NCKAP5: variants seen among roughly 807,000 people sequenced by gnomAD.
NCKAP5 encodes the protein NCK associated protein 5, also known as nck-associated protein 5.
Under a neutral mutation model 167.0 loss-of-function variants are expected in NCKAP5, and 92 were observed. That is an observed-to-expected ratio of 0.55 (90% CI 0.47 to 0.66). The LOEUF (loss-of-function observed/expected upper bound fraction) is 0.66, where lower values mean the gene tolerates loss of function less well. NCKAP5 is among the 30% of genes least tolerant of loss of function. The pLI is 0.00. For missense variants in NCKAP5, 2,378 were observed against 2,315.0 expected (o/e 1.03, Z -0.56); for synonymous variants, 891 against 877.4 (o/e 1.02, Z -0.27).
At chr2:133,285,595 C>G (rs933337149) in intron 4 of NCKAP5, among the ~76,000 whole-genome samples, 1 of 152,154 alleles carries the variant, frequency 6.6e-6, no homozygotes, top group Admixed American at 6.5e-5. Flanking sequence ...AATAAATGAT[C>G]TGAAACCCTT....
chr2:133,154,951 C>T (rs892367382), intron 5 of NCKAP5, among the ~76,000 whole-genome samples: 2 of 152,216 alleles, frequency 1.3e-5, no homozygotes, highest in African/African-American at 4.8e-5. Flanking sequence ...CACTTAGGCT[C>T]TATACCTGGG....
chr2:133,251,724 G>T (rs13413333), intron 4 of NCKAP5, among the ~76,000 whole-genome samples: 15,222 of 152,094 alleles, frequency 0.1, 862 homozygotes, highest in South Asian at 0.15. Flanking sequence ...AATTACACTT[G>T]CATCCCAGTA....
intron 2 of NCKAP5, among the ~76,000 whole-genome samples, chr2:133,552,359 T>G (rs111934024): frequency 0.14 from 16,937 of 119,300 alleles, 1,367 homozygotes; most frequent in East Asian, 0.56. Context: ...TGTCCAACAA[T>G]GATAGACTGG....
At chr2:133,632,186 A>ATGGG in the NCKAP5 span, among the ~76,000 whole-genome samples, 1 of 152,350 alleles carries the variant, frequency 6.6e-6, no homozygotes, top group Non-Finnish European at 1.5e-5. Context: ...GACAGGATAC[A>ATGGG]TGGGTGGCAG....
upstream of NCKAP5, among the ~76,000 whole-genome samples, chr2:133,569,392 C>T (rs28634361): frequency 6.1e-3 from 922 of 152,226 alleles, 12 homozygotes; most frequent in African/African-American, 0.021. Context: ...ACTGCTATAA[C>T]GATGCTTACT....
intron 5 of NCKAP5, among the ~76,000 whole-genome samples, chr2:133,133,728 C>T (rs990571533): frequency 6.6e-6 from 1 of 152,198 alleles, no homozygotes; most frequent in Admixed American, 6.5e-5. Context: ...GAATATTTTA[C>T]ATTTTACAAA....
At chr2:133,476,217 C>T (rs891748917) in intron 3 of NCKAP5, among the ~76,000 whole-genome samples, 2 of 152,144 alleles carry the variant, frequency 1.3e-5, no homozygotes, top group Non-Finnish European at 2.9e-5. Context: ...TCAATGGTGC[C>T]CTTCAATTTA....
chr2:133,152,455 C>T (rs1188314524), intron 5 of NCKAP5, among the ~76,000 whole-genome samples: 1 of 152,142 alleles, frequency 6.6e-6, no homozygotes, highest in African/African-American at 2.4e-5. Flanking sequence ...CATTAATAAA[C>T]TTGAGTGTTT....
chr2:133,225,791 T>C (rs1037063378), intron 4 of NCKAP5, among the ~76,000 whole-genome samples: 2 of 137,532 alleles, frequency 1.5e-5, no homozygotes, highest in South Asian at 2.5e-4. Flanking sequence ...TTTTTTTTTT[T>C]TTTTTTTTTT....
At chr2:132,913,439 C>CT (rs1366830536) in intron 8 of NCKAP5, among the ~76,000 whole-genome samples, 2 of 151,532 alleles carry the variant, frequency 1.3e-5, no homozygotes, top group African/African-American at 4.9e-5. Flanking sequence ...CATATGTAGA[C>CT]TAGAGACAAG....
rs1333815524 is a variant in NCKAP5 at position 132,744,003 on chromosome 2, A to G, written c.5129-11952T>C. Among the ~76,000 whole-genome samples, 51 of 151,924 alleles carry G rather than the reference A, an allele frequency of 3.4e-4. 1 individual carries two copies. Among genetic ancestry groups the G allele is most frequent in the Admixed American group, 3.3e-3 (50 of 15,252 alleles). On this transcript the variant is annotated intron_variant, in intron 16 of 19. Coordinates refer to ENST00000409261, the MANE Select transcript of NCKAP5 (RefSeq NM_207363.3). ...ATTTATCAAGACATTATAATCCTAA[A>G]TATGTATATCTATAACAATAGAACT...
intron 12 of NCKAP5, among the ~76,000 whole-genome samples, chr2:132,791,159 C>G (rs530328084): frequency 6.6e-6 from 1 of 152,316 alleles, no homozygotes; most frequent in African/African-American, 2.4e-5. Flanking sequence ...GCTACACTTT[C>G]CTCTGGTTCT....
intron 5 of NCKAP5, among the ~76,000 whole-genome samples, chr2:133,168,645 C>T (rs1480720247): frequency 6.6e-6 from 1 of 152,128 alleles, no homozygotes; most frequent in Non-Finnish European, 1.5e-5. Context: ...TTCCTAAGAA[C>T]TTTGACACTA....
chr2:133,264,255 T>C (rs975430479), intron 4 of NCKAP5, among the ~76,000 whole-genome samples: 2 of 152,276 alleles, frequency 1.3e-5, no homozygotes, highest in African/African-American at 4.8e-5. Context: ...TGCAATATTT[T>C]TCTTTTTGGT....
At chr2:132,959,061 AAATATATTAAT>A (rs1362095934) in intron 8 of NCKAP5, among the ~76,000 whole-genome samples, 1 of 146,888 alleles carries the variant, frequency 6.8e-6, no homozygotes, top group African/African-American at 2.5e-5. Flanking sequence ...ATTTATATAT[AAATATATTAAT>A]AATATATTAA....
At chr2:132,813,378 C>G (rs1686029171) in intron 11 of NCKAP5, among the ~76,000 whole-genome samples, 1 of 152,174 alleles carries the variant, frequency 6.6e-6, no homozygotes, top group African/African-American at 2.4e-5. Flanking sequence ...TACCTATGCA[C>G]AGAAAGGAAA....
chr2:133,641,659 C>T, the NCKAP5 span, among the ~76,000 whole-genome samples: 37 of 152,334 alleles, frequency 2.4e-4, no homozygotes, highest in Non-Finnish European at 4.9e-4. Flanking sequence ...CAGGCCATGG[C>T]CCAGAGAGAT....
At position 133,384,197 on chromosome 2, in the gene NCKAP5, A is replaced by G. The variant is rs113546847; in HGVS notation, c.70-81087T>C. Among the ~76,000 whole-genome samples, 401 of 152,336 alleles carry G rather than the reference A, an allele frequency of 2.6e-3. 5 individuals are homozygous for G. Among genetic ancestry groups the G allele is most frequent in the African/African-American group, 8.7e-3 (362 of 41,578 alleles). On this transcript the variant is annotated intron_variant, in intron 3 of 19. Transcript: ENST00000409261. ...GGGTTTTTATGGTTTCAGGTCTAACATGTAAGTCTTTAATCCATCTTTAAT... is the reference window on the plus strand; with the variant it reads ...GGGTTTTTATGGTTTCAGGTCTAACGTGTAAGTCTTTAATCCATCTTTAAT...
At chr2:133,569,360 C>T (rs1196065934), upstream of NCKAP5, among the ~76,000 whole-genome samples, 1 of 152,170 alleles carries the variant, frequency 6.6e-6, no homozygotes, top group Non-Finnish European at 1.5e-5. Context: ...CTCCAGCCCA[C>T]TGTTTTCCTT....
Sources: allele counts gnomAD v4.1 joint callset (sites outside exome capture counted in the v4.1 genomes callset), GRCh38; gene constraint gnomAD v4.1.1; transcripts MANE v1.5; gene names NCBI Gene and HGNC (gene_info 2026-07-23, HGNC 2026-07-21).